The following DMD variants were observed in gnomAD, a reference collection of about 807,000 sequenced individuals.
DMD encodes mutant dystrophin.
Under a neutral mutation model 330.1 loss-of-function variants are expected in DMD, and 63 were observed. The ratio of observed to expected loss-of-function variants is 0.19; its 90% CI spans 0.16 to 0.24. The LOEUF (loss-of-function observed/expected upper bound fraction) is 0.24, where lower values mean the gene tolerates loss of function less well. Ranked by LOEUF, DMD falls within the 10% of genes least tolerant of loss-of-function variation. DMD has a pLI of 1.00. For missense variants in DMD, 3,344 were observed against 2,684.1 expected (o/e 1.25, Z -5.43); for synonymous variants, 1,223 against 959.8 (o/e 1.27, Z -5.07).
intron 53 of DMD, among the ~76,000 whole-genome samples, chrX:31,671,952 A>C (rs1455009571): frequency 3.6e-5 from 4 of 110,526 alleles, no homozygotes; most frequent in Non-Finnish European, 7.6e-5. Flanking sequence ...CTGTAGATTT[A>C]CTTTTCTCTT....
chrX:32,385,620 T>TAATTTTAAATCATCAAAGCTCTA (rs6151281), intron 33 of DMD, among the ~76,000 whole-genome samples: 3 of 108,342 alleles, frequency 2.8e-5, no homozygotes, highest in Admixed American at 2.0e-4. Context: ...CTTACTATCA[T>TAATTTTAAATCATCAAAGCTCTA]AATCTATACA....
rs752442036 is a variant in DMD, at chrX:31,308,135, C to T, written c.9224+15463G>A. Among the ~76,000 whole-genome samples the T allele has an allele frequency of 1.2e-4, 14 of 112,017 alleles. No homozygotes were observed. The South Asian group carries it at 5.3e-3, about 42-fold the overall frequency. ...TGTTCACTTGCTCACCACTCACCTC[C>T]TGCTGTTCCAGTCCATGGTCCAGAG... On this transcript the variant is annotated intron_variant, in intron 62 of 78. Coordinates refer to ENST00000357033, the MANE Select transcript of DMD (RefSeq NM_004006.3).
intron 2 of DMD, among the ~76,000 whole-genome samples, chrX:32,869,850 G>C (rs1401211544): frequency 9.2e-6 from 1 of 108,562 alleles, no homozygotes; most frequent in African/African-American, 3.4e-5. Flanking sequence ...TATCATACTA[G>C]ATGGGCAAAA....
intron 30 of DMD, among the ~76,000 whole-genome samples, chrX:32,393,533 A>C (rs1040036382): frequency 5.4e-5 from 6 of 111,919 alleles, no homozygotes; most frequent in Non-Finnish European, 1.1e-4. Flanking sequence ...TAGGGAGGAA[A>C]TGCGACTGTA....
chrX:32,504,848 C>T (rs1251884553), intron 18 of DMD, among the ~76,000 whole-genome samples: 2 of 109,782 alleles, frequency 1.8e-5, no homozygotes, highest in Admixed American at 9.7e-5. Context: ...AATATACACA[C>T]GTAACAAACC....
intron 64 of DMD, among the ~76,000 whole-genome samples, chrX:31,220,574 ATCCTGTG>A (rs1354237723): frequency 2.7e-5 from 3 of 111,333 alleles, no homozygotes; most frequent in African/African-American, 9.8e-5. Context: ...TAGGTTGCTT[ATCCTGTG>A]TCCTAAATAA....
At chrX:33,249,687 T>C (rs1233727994) in intron 1 of DMD, among the ~76,000 whole-genome samples, 2 of 111,775 alleles carry the variant, frequency 1.8e-5, no homozygotes, top group Admixed American at 9.6e-5. Flanking sequence ...TGTCCAATCA[T>C]GTTGCACTTT....
chrX:33,203,815 G>T (rs1177195351), intron 1 of DMD, among the ~76,000 whole-genome samples: 5 of 109,910 alleles, frequency 4.5e-5, no homozygotes, highest in Non-Finnish European at 7.6e-5. Context: ...ATACCCACGC[G>T]CTACATAAAA....
chrX:32,372,636 G>A (rs1210272520), intron 34 of DMD, among the ~76,000 whole-genome samples: 1 of 111,495 alleles, frequency 9.0e-6, no homozygotes, highest in African/African-American at 3.2e-5. Flanking sequence ...AGCTAGCTAG[G>A]ATTGATCCAT....
intron 2 of DMD, among the ~76,000 whole-genome samples, chrX:32,961,656 C>T (rs2091902657): frequency 9.0e-6 from 1 of 111,335 alleles, no homozygotes; most frequent in Non-Finnish European, 1.9e-5. Context: ...ATAAAAAACA[C>T]TATGTTATAC....
intron 71 of DMD, among the ~76,000 whole-genome samples, chrX:31,177,052 T>C (rs1443705359): frequency 3.6e-5 from 4 of 111,753 alleles, no homozygotes; most frequent in African/African-American, 1.3e-4. Flanking sequence ...ATAACAGAGC[T>C]GTCTGATTTT....
intron 64 of DMD, among the ~76,000 whole-genome samples, chrX:31,221,594 T>A (rs1183292519): frequency 8.8e-6 from 1 of 113,198 alleles, no homozygotes; most frequent in Non-Finnish European, 1.9e-5. Context: ...GTTGCACAAC[T>A]AAATATATGA....
chrX:32,449,583 G>GTT (rs111326869), intron 26 of DMD, among the ~76,000 whole-genome samples: 10 of 95,845 alleles, frequency 1.0e-4, no homozygotes, highest in Middle Eastern at 5.1e-3. Flanking sequence ...ATCCTACAAT[G>GTT]TTTTTTTTTT....
intron 63 of DMD, among the ~76,000 whole-genome samples, chrX:31,247,620 A>T (rs2048964129): frequency 1.0e-5 from 1 of 99,101 alleles, no homozygotes; most frequent in Non-Finnish European, 2.0e-5. Flanking sequence ...AAAAAAAAAA[A>T]TCTCTGGAAG....
chrX:31,497,220 T>C (rs887923087), intron 56 of DMD, among the ~76,000 whole-genome samples: 1 of 112,185 alleles, frequency 8.9e-6, no homozygotes. Context: ...TTCCATACTG[T>C]TGTAGTCAAC....
intron 50 of DMD, among the ~76,000 whole-genome samples, chrX:31,776,819 T>C (rs761689721): frequency 3.6e-5 from 4 of 111,959 alleles, no homozygotes; most frequent in East Asian, 2.8e-4. Flanking sequence ...GATGATAAAT[T>C]AGCTGAAGCA....
intron 43 of DMD, among the ~76,000 whole-genome samples, chrX:32,268,146 A>G (rs2097351532): frequency 9.0e-6 from 1 of 110,928 alleles, no homozygotes; most frequent in Admixed American, 9.6e-5. Flanking sequence ...GGCCCTTGCT[A>G]GGGTAATAAT....
At chrX:32,839,811 C>T (rs776348017) in intron 4 of DMD, among the ~76,000 whole-genome samples, 5 of 110,660 alleles carry the variant, frequency 4.5e-5, no homozygotes, top group Admixed American at 1.9e-4. Context: ...CCCAGGTTCA[C>T]GTGATTCTCC....
intron 2 of DMD, among the ~76,000 whole-genome samples, chrX:32,926,228 T>C (rs1379427503): frequency 3.6e-5 from 4 of 112,055 alleles, no homozygotes; most frequent in African/African-American, 9.7e-5. Context: ...ATCTCGCTTA[T>C]TATAGGTGGT....
Sources: gnomAD v4.1 joint callset for allele counts (sites outside exome capture counted in the v4.1 genomes callset) on GRCh38, gnomAD v4.1.1 for gene constraint, MANE v1.5 for transcripts, NCBI Gene and HGNC (gene_info 2026-07-23, HGNC 2026-07-21) for gene names.